The following DPP6 variants were observed in gnomAD, a reference collection of about 807,000 sequenced individuals.
DPP6 encodes dipeptidyl peptidase like 6.
In DPP6, 69 loss-of-function variants were observed where a neutral mutation model predicts 122.6. That is an observed-to-expected ratio of 0.56 (90% CI 0.46 to 0.69). The LOEUF is 0.69. DPP6 is among the 30% of genes least tolerant of loss of function. The pLI, the probability that DPP6 is intolerant of heterozygous loss-of-function variation, is 0.00. For synonymous variants in DPP6, 418 were observed against 433.1 expected (o/e 0.97, Z 0.43); for missense variants, 928 against 1,116.9 (o/e 0.83, Z 2.41).
chr7:153,971,183 T>G (rs1259440831), intron 1 of DPP6, among the ~76,000 whole-genome samples: 4 of 152,164 alleles, frequency 2.6e-5, no homozygotes, highest in Non-Finnish European at 5.9e-5. Context: ...TGAGATTATA[T>G]TTTTAAGATT....
intron 7 of DPP6, among the ~76,000 whole-genome samples, chr7:154,675,476 T>C (rs2131137207): frequency 1.3e-5 from 2 of 152,304 alleles, no homozygotes; most frequent in Middle Eastern, 6.8e-3. Context: ...TAGGGCTCTC[T>C]GGAATGGCAC....
chr7:153,995,653 T>A (rs1265991991), intron 1 of DPP6, among the ~76,000 whole-genome samples: 3 of 149,480 alleles, frequency 2.0e-5, no homozygotes, highest in African/African-American at 7.4e-5. Flanking sequence ...TACTAGATGA[T>A]GTGCTCGATA....
chr7:153,977,358 T>C (rs1191634043), intron 1 of DPP6, among the ~76,000 whole-genome samples: 1 of 152,088 alleles, frequency 6.6e-6, no homozygotes, highest in Middle Eastern at 3.2e-3. Flanking sequence ...GAAGAGGAGG[T>C]GCACAGCTGT....
chr7:153,968,747 A>T, intron 1 of DPP6: 1 of 151,728 alleles, frequency 6.6e-6, no homozygotes, highest in Middle Eastern at 3.4e-3. Flanking sequence ...TAAAACTTCA[A>T]TGCCTGACCC....
intron 2 of DPP6, among the ~76,000 whole-genome samples, chr7:154,465,898 A>T (rs1586358021): frequency 6.6e-6 from 1 of 152,338 alleles, no homozygotes; most frequent in African/African-American, 2.4e-5. Flanking sequence ...CTATAAGGAC[A>T]CATGCACTTG....
intron 16 of DPP6, among the ~76,000 whole-genome samples, chr7:154,848,031 C>T (rs1467640119): frequency 6.6e-6 from 1 of 152,158 alleles, no homozygotes; most frequent in Non-Finnish European, 1.5e-5. Context: ...AGTAGTTCTC[C>T]ACTGTGTATA....
intron 3 of DPP6, among the ~76,000 whole-genome samples, chr7:154,479,302 A>C (rs1238333386): frequency 6.6e-6 from 1 of 152,164 alleles, no homozygotes; most frequent in African/African-American, 2.4e-5. Context: ...TCACGCCTGT[A>C]ATCCCAGCAC....
chr7:154,660,035 T>G (rs1477794623), intron 6 of DPP6, among the ~76,000 whole-genome samples: 1 of 152,262 alleles, frequency 6.6e-6, no homozygotes, highest in Non-Finnish European at 1.5e-5. Flanking sequence ...TTTTGATTCC[T>G]GGTGTGGATC....
intron 5 of DPP6, among the ~76,000 whole-genome samples, chr7:154,571,804 A>G (rs1552730): frequency 0.5 from 76,222 of 151,700 alleles, 20,593 homozygotes; most frequent in East Asian, 0.94. Flanking sequence ...CACATAAACC[A>G]ATCCGTTTTA....
the DPP6 span, among the ~76,000 whole-genome samples, chr7:153,783,978 A>C: frequency 6.6e-6 from 1 of 152,270 alleles, no homozygotes; most frequent in Admixed American, 6.5e-5. Context: ...ATATTTACAA[A>C]GGGAAAGAAT....
intron 25 of DPP6, 146 bp from the exon 26 acceptor site, chr7:154,892,188 G>T: frequency 9.6e-7 from 1 of 1,043,038 alleles, no homozygotes; most frequent in Non-Finnish European, 1.4e-6. Flanking sequence ...TCCATCAGGA[G>T]TGGCATGGTT....
chr7:154,063,200 T>TCA (rs1802292207), intron 1 of DPP6, among the ~76,000 whole-genome samples: 1 of 66,170 alleles, frequency 1.5e-5, no homozygotes, highest in Non-Finnish European at 3.0e-5. Context: ...ATCGCAGGGT[T>TCA]GGGGAGGCAC....
At position 154,296,978 on chromosome 7, in the gene DPP6, G is replaced by A. The variant is rs187146857; in HGVS notation, c.244-149236G>A. ...GAAAGGAGATACATGCTGACAAGCCGTGTAGGAAGTGTACTGCCTTAAGCA... is the reference window on the plus strand; with the variant it reads ...GAAAGGAGATACATGCTGACAAGCCATGTAGGAAGTGTACTGCCTTAAGCA... On this transcript the variant is annotated intron_variant, in intron 1 of 25. Coordinates refer to ENST00000377770, the MANE Select transcript of DPP6 (RefSeq NM_130797.4). Among the ~76,000 whole-genome samples the A allele has an allele frequency of 2.0e-3, 307 of 152,250 alleles. 1 individual carries two copies. The highest frequency in any genetic ancestry group is 3.2e-3 in the Non-Finnish European group (219 of 68,014).
At chr7:154,687,226 A>G (rs1407214496) in intron 7 of DPP6, among the ~76,000 whole-genome samples, 4 of 152,216 alleles carry the variant, frequency 2.6e-5, no homozygotes, top group African/African-American at 9.6e-5. Context: ...TCTTGTATGA[A>G]CATGTGGAAG....
the DPP6 span, among the ~76,000 whole-genome samples, chr7:153,778,143 T>C: frequency 6.7e-6 from 1 of 150,360 alleles, no homozygotes; most frequent in East Asian, 1.9e-4. Flanking sequence ...CTACTTTATA[T>C]GTATATATTT....
the DPP6 span, among the ~76,000 whole-genome samples, chr7:153,759,151 T>G: frequency 6.6e-6 from 1 of 152,148 alleles, no homozygotes; most frequent in Non-Finnish European, 1.5e-5. Context: ...TTACAGATGC[T>G]TATTTCCATC....
chr7:154,669,495 T>C (rs963665075), intron 7 of DPP6, 54 bp downstream of exon 7: 14 of 1,546,256 alleles, frequency 9.1e-6, no homozygotes, highest in Non-Finnish European at 1.2e-5. Flanking sequence ...GTTTCTGTTT[T>C]CTAAGCTGAA....
intron 1 of DPP6, among the ~76,000 whole-genome samples, 171 bp downstream of exon 1, chr7:154,053,234 G>C (rs1585236980): frequency 1.3e-5 from 2 of 149,058 alleles, no homozygotes; most frequent in African/African-American, 4.9e-5. Flanking sequence ...CGCGGTCACC[G>C]CGTCCCGGAG....
At chr7:154,870,895 G>A (rs1303602310) in intron 18 of DPP6, among the ~76,000 whole-genome samples, 3 of 150,574 alleles carry the variant, frequency 2.0e-5, no homozygotes, top group South Asian at 2.1e-4. Flanking sequence ...CCCAGGAGGC[G>A]GAAGTTGCAG....
Sources: gnomAD v4.1 joint callset for allele counts (sites outside exome capture counted in the v4.1 genomes callset) on GRCh38, gnomAD v4.1.1 for gene constraint, MANE v1.5 for transcripts, NCBI Gene and HGNC (gene_info 2026-07-23, HGNC 2026-07-21) for gene names.